Variants in TGM2 observed in about 807,000 individuals in gnomAD.
TGM2 encodes the protein protein-glutamine gamma-glutamyltransferase 2.
Under a neutral mutation model 75.6 loss-of-function variants are expected in TGM2, and 53 were observed. That is an observed-to-expected ratio of 0.70 (90% confidence interval 0.56 to 0.88). The LOEUF (loss-of-function observed/expected upper bound fraction) is 0.88, where lower values mean the gene tolerates loss of function less well. Ranked by LOEUF, TGM2 falls within the 40% of genes least tolerant of loss-of-function variation. The probability of loss-of-function intolerance (pLI) is 0.00; values close to 1 mark genes in which losing one functional copy is unlikely to be tolerated. For missense variants in TGM2, 842 were observed against 928.5 expected (o/e 0.91, Z 1.21); for synonymous variants, 374 against 381.1 (o/e 0.98, Z 0.22).
intron 3 of TGM2, among the ~76,000 whole-genome samples, chr20:38,152,222 C>T (rs1207767049): frequency 1.3e-5 from 2 of 152,126 alleles, no homozygotes; most frequent in African/African-American, 2.4e-5. Context: ...CAGTGCCTGC[C>T]GGGTCTAATG....
At chr20:38,155,800 C>G (rs1326593569) in intron 3 of TGM2, 47 bp downstream of exon 3, 1 of 1,567,614 alleles carries the variant, frequency 6.4e-7, no homozygotes, top group East Asian at 2.3e-5. Context: ...ATGGGCGGAT[C>G]CAGCCCTGCC....
In TGM2 at chr20:38,138,405, A is replaced by C. The variant is rs375134759; in HGVS notation, c.1343-20T>G. 1 of 1,613,058 alleles carries C rather than the reference A, an allele frequency of 6.2e-7. No individual in the cohort carries two copies. The highest frequency in any genetic ancestry group is 8.5e-7 in the Non-Finnish European group (1 of 1,179,992). ...AGGACCCTGTAGGGGTTGAGAAGAG[A>C]GCCTCAATCACAGCTGGAATAGATC... is the stretch of plus-strand genomic sequence containing the variant. On this transcript the variant is annotated intron_variant, in intron 9 of 12. Transcript: ENST00000361475.
chr20:38,159,677 G>C (rs2075231569), intron 2 of TGM2, among the ~76,000 whole-genome samples: 1 of 152,220 alleles, frequency 6.6e-6, no homozygotes, highest in South Asian at 2.1e-4. Flanking sequence ...GGGACATAGG[G>C]ATGAAAAGCC....
In TGM2 at chr20:38,156,822, G is replaced by A. The variant is rs188436704; in HGVS notation, c.191-733C>T. 2.7e-3 allele frequency among the ~76,000 whole-genome samples: 404 copies of A among 152,324 alleles called. 1 individual carries two copies. The highest frequency in any genetic ancestry group is 3.9e-3 in the Admixed American group (60 of 15,308). On this transcript the variant is annotated intron_variant, in intron 2 of 12. Coordinates refer to ENST00000361475, the MANE Select transcript of TGM2 (RefSeq NM_004613.4). ...AGAAAACTGAGGCTCAGAGCAAAGCGGTCTCCCAAGGATATCCTAGGAGTT... is the reference window on the plus strand; with the variant it reads ...AGAAAACTGAGGCTCAGAGCAAAGCAGTCTCCCAAGGATATCCTAGGAGTT...
At position 38,141,369 on chromosome 20, in the gene TGM2, C is replaced by T; in HGVS notation, c.1012G>A (p.Val338Met). The change falls in exon 8 of 13, where the codon GTG (valine) becomes ATG (methionine). Residue 338 changes from valine (V) to methionine (M), a missense_variant. Coordinates refer to ENST00000361475, the MANE Select transcript of TGM2 (RefSeq NM_004613.4). ...TCCGGCCTGGTCATCCACGACTCCA[C>T]CCAGCAGTGGAAGTTCCTGAGGGGG... is the stretch of plus-strand genomic sequence containing the variant. ...SEMIWNFHCW[V>M]ESWMTRPDLQ... is the part of the protein sequence containing the mutation. 2 of 1,584,174 alleles carry T rather than the reference C, an allele frequency of 1.3e-6. No individual in the cohort carries two copies. Among genetic ancestry groups the T allele is most frequent in the Non-Finnish European group, 1.7e-6 (2 of 1,164,784 alleles).
In TGM2 at chr20:38,127,419, A is replaced by G. The variant is rs2074778062; in HGVS notation, c.*2800T>C. ...ATGTTTTTATTTTGATTTATTTTTT[A>G]TGTGCATGTCATGTCTTTCTACATG... On this transcript the variant is annotated 3_prime_UTR_variant, in exon 13 of 13. Transcript: ENST00000361475. 15 of 970,350 alleles carry G rather than the reference A, an allele frequency of 1.5e-5. No homozygotes were observed. The highest frequency in any genetic ancestry group is 1.7e-5 in the Non-Finnish European group (14 of 816,190). The allele number at this position is 970,350 out of a possible 1,614,324, so 60.1% of individuals were successfully genotyped here.
At position 38,148,051 on chromosome 20, in the gene TGM2, T is replaced by C. The variant is rs768025636; in HGVS notation, c.591A>G (p.Leu197=). Residue 197 remains leucine, a synonymous_variant, in exon 5 of 13, where the codon CTA becomes CTG. Coordinates refer to ENST00000361475, the MANE Select transcript of TGM2 (RefSeq NM_004613.4). ...DGILDICLIL[L]DVNPKFLKNA... ...TCTTCAGGAACTTGGGGTTGACATC[T>C]AGAAGGATCAGGCAGATGTCTAGGA... 1.2e-6 allele frequency: 2 copies of C among 1,614,024 alleles called. No individual in the cohort carries two copies. Among genetic ancestry groups the C allele is most frequent in the African/African-American group, 2.7e-5 (2 of 74,926 alleles).
chr20:38,139,269 T>C (rs2074938412), intron 9 of TGM2, 143 bp downstream of exon 9: 1 of 1,205,862 alleles, frequency 8.3e-7, no homozygotes, highest in East Asian at 2.5e-5. Context: ...AAGGCATTGC[T>C]GAAGATGGAG....
rs1369315507 is a variant in TGM2 at position 38,155,908 on chromosome 20, G to C, written c.372C>G (p.Gly124=). ...LYRLSLEAST[G]YQGSSFVLGH... ...CCAGCACAAAGCTGGATCCCTGGTAGCCAGTGGAGGCCTCCAGGCTGAGGC... is the reference window on the plus strand; with the variant it reads ...CCAGCACAAAGCTGGATCCCTGGTACCCAGTGGAGGCCTCCAGGCTGAGGC... The change falls in exon 3 of 13, where the codon GGC becomes GGG. Residue 124 remains glycine, a synonymous_variant. Coordinates refer to ENST00000361475, the MANE Select transcript of TGM2 (RefSeq NM_004613.4). The C allele has an allele frequency of 6.2e-7, 1 of 1,608,072 alleles. No individual in the cohort carries two copies. Among genetic ancestry groups the C allele is most frequent in the Non-Finnish European group, 8.5e-7 (1 of 1,177,686 alleles).
intron 10 of TGM2, chr20:38,137,894 T>A: frequency 9.3e-7 from 1 of 1,080,900 alleles, no homozygotes; most frequent in African/African-American, 1.6e-5. Context: ...CTCAGTCTAC[T>A]CATCTGGAAA....
intron 2 of TGM2, 143 bp from the exon 3 acceptor site, chr20:38,156,232 C>T: frequency 1.8e-6 from 2 of 1,114,112 alleles, no homozygotes; most frequent in South Asian, 3.1e-5. Context: ...GTTTGTCTCC[C>T]TGAGCCTCAG....
rs188880994 is a variant in TGM2 at position 38,161,039 on chromosome 20, A to C, written c.190+381T>G. Among the ~76,000 whole-genome samples, 12 of 152,236 alleles carry C rather than the reference A, an allele frequency of 7.9e-5. No homozygotes were observed. In the East Asian group the frequency reaches 9.7e-4, roughly 12 times the overall value. On this transcript the variant is annotated intron_variant, in intron 2 of 12. Transcript: ENST00000361475. ...AGGCTGGTCTTGAACTCCCAACCTC[A>C]GGTGATCCGCCCTCCTCAGCCTCCC...
chr20:38,145,414 T>G (rs891765076), intron 6 of TGM2: 3 of 152,242 alleles, frequency 2.0e-5, no homozygotes, highest in Non-Finnish European at 1.5e-5. Flanking sequence ...CACATTCATT[T>G]ATTTATTTAG....
rs2074787133 is a variant in TGM2, at chr20:38,128,310, C to T, written c.*1909G>A. The stretch of plus-strand genomic sequence containing the variant: ...GGAAGGGGCCGGAGATGGAGCCAGC[C>T]TGTGTAGGACCTTGAATGCCAGTAA... On this transcript the variant is annotated 3_prime_UTR_variant, in exon 13 of 13. Transcript: ENST00000361475. The T allele has an allele frequency of 6.6e-6, 1 of 152,214 alleles. No individual in the cohort carries two copies. Among genetic ancestry groups the T allele is most frequent in the Non-Finnish European group, 1.5e-5 (1 of 68,058 alleles). The allele number at this position is 152,214 out of a possible 1,614,324, so 9.4% of individuals were successfully genotyped here.
In TGM2 at chr20:38,130,109, C is replaced by A; in HGVS notation, c.*110G>T. 6.7e-7 allele frequency: 1 copy of A among 1,483,732 alleles called. No homozygotes were observed. Among genetic ancestry groups the A allele is most frequent in the African/African-American group, 1.4e-5 (1 of 72,916 alleles). 91.9% of individuals were successfully genotyped at this position (1,483,732 alleles called of 1,614,324 possible). A position where few individuals can be genotyped will look rare whatever the true frequency, so the allele number is the denominator to read the frequency against. On this transcript the variant is annotated 3_prime_UTR_variant, in exon 13 of 13. Coordinates refer to ENST00000361475, the MANE Select transcript of TGM2 (RefSeq NM_004613.4). ...TTTCCGAGAGCCCCCATAGGCTGCC[C>A]ACCCTGCCCTGGGGTCTGGGGCCCA... is the stretch of plus-strand genomic sequence containing the variant.
At chr20:38,137,180 A>G (rs776921944) in intron 10 of TGM2, among the ~76,000 whole-genome samples, 9 of 152,164 alleles carry the variant, frequency 5.9e-5, no homozygotes, top group African/African-American at 1.2e-4. Context: ...TCTAACTTTC[A>G]ACACAATTAA....
rs977953409 is a variant in TGM2, at chr20:38,128,646, A to G, written c.*1573T>C. The G allele has an allele frequency of 1.3e-5, 2 of 152,232 alleles. No individual in the cohort carries two copies. Among genetic ancestry groups the G allele is most frequent in the Non-Finnish European group, 2.9e-5 (2 of 68,040 alleles). 9.4% of individuals were successfully genotyped at this position (152,232 alleles called of 1,614,324 possible). A position where few individuals can be genotyped will look rare whatever the true frequency, so the allele number is the denominator to read the frequency against. ...TCCTGTGCAAAGCAGAAAGTTCTAA[A>G]TGCAACAGCATGATTCTCTCCAAGT... On this transcript the variant is annotated 3_prime_UTR_variant, in exon 13 of 13. Transcript: ENST00000361475.
chr20:38,143,838 C>T (rs897543120), intron 6 of TGM2, among the ~76,000 whole-genome samples: 1 of 152,162 alleles, frequency 6.6e-6, no homozygotes, highest in Non-Finnish European at 1.5e-5. Context: ...AGAAGGGATG[C>T]GACCTTTGCC....
rs2074843067 is a variant in TGM2, at chr20:38,132,260, G to T, written c.1776+80C>A. On this transcript the variant is annotated intron_variant, in intron 11 of 12. Coordinates refer to ENST00000361475, the MANE Select transcript of TGM2 (RefSeq NM_004613.4). ...CTGGAGCTTGCAGGGATGCAGGTGT[G>T]TGGGGTGGGGGTAGGGATCTGCCCT... 3.3e-6 allele frequency: 5 copies of T among 1,523,404 alleles called. No individual in the cohort carries two copies. In the South Asian group the frequency reaches 4.5e-5, roughly 14 times the overall value. The allele number at this position is 1,523,404 out of a possible 1,614,324, so 94.4% of individuals were successfully genotyped here. A position where few individuals can be genotyped will look rare whatever the true frequency, so the allele number is the denominator to read the frequency against.
Sources: allele counts gnomAD v4.1 joint callset (sites outside exome capture counted in the v4.1 genomes callset), GRCh38; gene constraint gnomAD v4.1.1; transcripts MANE v1.5; gene names NCBI Gene and HGNC (gene_info 2026-07-23, HGNC 2026-07-21).